RP1: variants seen among roughly 807,000 people sequenced by gnomAD.
RP1 encodes the protein RP1 axonemal microtubule associated.
Under a neutral mutation model 14.8 loss-of-function variants are expected in RP1, and 16 were observed. The observed-to-expected ratio is 1.08, with a 90% CI of 0.73 to 1.65. The LOEUF (loss-of-function observed/expected upper bound fraction) is 1.65, where lower values mean the gene tolerates loss of function less well. RP1 is among the 40% of genes most tolerant of loss of function. The probability of loss-of-function intolerance (pLI) is 0.00; values close to 1 mark genes in which losing one functional copy is unlikely to be tolerated. For synonymous variants in RP1, 876 were observed against 883.6 expected (o/e 0.99, Z 0.15); for missense variants, 2,631 against 2,535.0 (o/e 1.04, Z -0.81).
At chr8:54,720,032 A>T in intron 15 of RP1, 1 of 1,030,406 alleles carries the variant, frequency 9.7e-7, no homozygotes, top group Non-Finnish European at 1.4e-6. Context: ...TAGTGATTCG[A>T]AACGAGACAA....
At chr8:54,616,975 G>A (rs1419221138) in intron 1 of RP1, among the ~76,000 whole-genome samples, 1 of 152,136 alleles carries the variant, frequency 6.6e-6, no homozygotes, top group Non-Finnish European at 1.5e-5. Flanking sequence ...TTGAGCCTAA[G>A]GGTGTTAAAA....
intron 21 of RP1, chr8:54,755,847 G>A: frequency 7.7e-7 from 1 of 1,305,510 alleles, no homozygotes; most frequent in South Asian, 1.7e-5. Context: ...AAATTTAAAA[G>A]GCGTTTGGCA....
intron 5 of RP1, chr8:54,655,955 C>G: frequency 1.7e-6 from 1 of 595,644 alleles, no homozygotes; most frequent in Non-Finnish European, 2.7e-6. Flanking sequence ...TTAGCACTGT[C>G]AAATTATCAA....
At chr8:54,850,213 C>T (rs1327667210) in intron 25 of RP1, among the ~76,000 whole-genome samples, 1 of 152,098 alleles carries the variant, frequency 6.6e-6, no homozygotes, top group African/African-American at 2.4e-5. Flanking sequence ...TAAAAAATGG[C>T]ACTTTAAGAA....
At chr8:54,644,157 G>T (rs1222678261) in intron 3 of RP1, among the ~76,000 whole-genome samples, 1 of 152,144 alleles carries the variant, frequency 6.6e-6, no homozygotes. Flanking sequence ...GCAATGATGG[G>T]ACAGGCATAG....
chr8:54,751,356 G>A (rs563281490), intron 19 of RP1, among the ~76,000 whole-genome samples: 33 of 152,198 alleles, frequency 2.2e-4, no homozygotes, highest in African/African-American at 7.7e-4. Flanking sequence ...AAAATGCTTG[G>A]TGAGCTGCCA....
chr8:54,688,267 G>T (rs184295022), intron 12 of RP1, among the ~76,000 whole-genome samples: 1,580 of 152,238 alleles, frequency 0.01, 23 homozygotes, highest in Non-Finnish European at 0.014. Flanking sequence ...TAGGTGGCCT[G>T]TTCACTCTGA....
chr8:54,803,943 C>A (rs903628855), intron 24 of RP1, among the ~76,000 whole-genome samples: 3 of 152,022 alleles, frequency 2.0e-5, no homozygotes, highest in African/African-American at 7.2e-5. Context: ...TGGCACACAC[C>A]TGTAATCCCA....
At chr8:54,582,748 T>C (rs1358361771) in intron 1 of RP1, among the ~76,000 whole-genome samples, 3 of 152,208 alleles carry the variant, frequency 2.0e-5, no homozygotes, top group African/African-American at 7.2e-5. Context: ...CCTAGGTATT[T>C]TATTCTCTTT....
intron 1 of RP1, among the ~76,000 whole-genome samples, chr8:54,573,655 C>G (rs1804581057): frequency 6.6e-6 from 1 of 152,156 alleles, no homozygotes; most frequent in African/African-American, 2.4e-5. Context: ...TCAACAAGGT[C>G]ATAATGAGGC....
chr8:54,750,805 G>T (rs150612561), intron 19 of RP1, among the ~76,000 whole-genome samples: 1 of 152,128 alleles, frequency 6.6e-6, no homozygotes. Context: ...TCAGTAAAAC[G>T]CACCAATCAG....
At chr8:54,841,693 G>T (rs1811794498) in intron 25 of RP1, among the ~76,000 whole-genome samples, 1 of 152,194 alleles carries the variant, frequency 6.6e-6, no homozygotes, top group African/African-American at 2.4e-5. Context: ...GCAGCCCGGA[G>T]GAGATGCCGA....
chr8:54,739,757 T>C (rs1258694973), intron 19 of RP1, among the ~76,000 whole-genome samples: 1 of 152,084 alleles, frequency 6.6e-6, no homozygotes, highest in African/African-American at 2.4e-5. Flanking sequence ...TAAATATCAA[T>C]GTAAAATATA....
At chr8:54,583,613 G>C (rs1563318116) in intron 1 of RP1, among the ~76,000 whole-genome samples, 1 of 152,174 alleles carries the variant, frequency 6.6e-6, no homozygotes, top group Non-Finnish European at 1.5e-5. Context: ...GAATTCGGCT[G>C]TGAATCCATC....
At chr8:54,578,775 C>T in intron 1 of RP1, among the ~76,000 whole-genome samples, 1 of 152,270 alleles carries the variant, frequency 6.6e-6, no homozygotes, top group South Asian at 2.1e-4. Context: ...ACACACCGGG[C>T]TAAGCAAGGT....
chr8:54,718,747 C>T (rs1401862104), intron 15 of RP1, among the ~76,000 whole-genome samples: 1 of 152,140 alleles, frequency 6.6e-6, no homozygotes, highest in Non-Finnish European at 1.5e-5. Context: ...GATAAGATTA[C>T]ATATTATACC....
intron 24 of RP1, among the ~76,000 whole-genome samples, chr8:54,814,890 C>A (rs992278777): frequency 1.3e-5 from 2 of 152,202 alleles, no homozygotes; most frequent in African/African-American, 2.4e-5. Context: ...CACCACCTGG[C>A]CACTGCCATA....
downstream of RP1, among the ~76,000 whole-genome samples, chr8:54,631,501 A>G (rs553913747): frequency 1.3e-5 from 2 of 152,018 alleles, no homozygotes; most frequent in South Asian, 4.1e-4. Context: ...ATTCTTCCTC[A>G]TAAAAGCACT....
intron 24 of RP1, among the ~76,000 whole-genome samples, chr8:54,827,898 C>A (rs1585726763): frequency 6.7e-6 from 1 of 148,514 alleles, no homozygotes. Flanking sequence ...AACTACGTCT[C>A]AAAAAAAAAA....
Sources: gnomAD v4.1 joint callset for allele counts (sites outside exome capture counted in the v4.1 genomes callset) on GRCh38, gnomAD v4.1.1 for gene constraint, MANE v1.5 for transcripts, NCBI Gene and HGNC (gene_info 2026-07-23, HGNC 2026-07-21) for gene names.